SFTPC: variants seen among roughly 807,000 people sequenced by gnomAD.
The protein encoded by SFTPC is BRICHOS domain containing 6.
In SFTPC, 12 loss-of-function variants were observed where a neutral mutation model predicts 19.9. The observed-to-expected ratio is 0.60, with a 90% CI of 0.39 to 0.98. The LOEUF is 0.98. Ranked by LOEUF, SFTPC falls within the 50% of genes least tolerant of loss-of-function variation. The pLI, the probability that SFTPC is intolerant of heterozygous loss-of-function variation, is 0.00. For synonymous variants in SFTPC, 123 were observed against 103.3 expected (o/e 1.19, Z -1.16); for missense variants, 219 against 252.2 (o/e 0.87, Z 0.89).
intron 1 of SFTPC, 124 bp from the exon 2 acceptor site, chr8:22,162,450 G>A (rs1320827376): frequency 2.8e-6 from 3 of 1,073,886 alleles, no homozygotes; most frequent in Non-Finnish European, 2.9e-6. Flanking sequence ...GCCCTTCCCT[G>A]TCCATCCATC....
chr8:22,162,691 C>T lies in SFTPC; in HGVS notation c.160C>T (p.Leu54=), dbSNP rs1285055943. ...VLIVVVIVGA[L]LMGLHMSQKH... ...CATCGTCGTGGTGATTGTGGGAGCC[C>T]TGCTCATGGGTCTCCACATGAGCCA... The change falls in exon 2 of 6, where the codon CTG becomes TTG. Residue 54 remains leucine (L), a synonymous_variant. Transcript: ENST00000679463. 2 of 1,614,060 alleles carry T rather than the reference C, an allele frequency of 1.2e-6. No homozygotes were observed. Among genetic ancestry groups the T allele is most frequent in the Non-Finnish European group, 1.7e-6 (2 of 1,180,028 alleles).
chr8:22,164,415 G>A lies in SFTPC; in HGVS notation c.*168G>A, dbSNP rs1827952239. ...TGGGGAGAGGATGGGAGTGGGCAGA[G>A]GTGGCGCCCAGGGGCCCGGGAACTC... On this transcript the variant is annotated 3_prime_UTR_variant, in exon 6 of 6. Coordinates refer to ENST00000679463, the MANE Select transcript of SFTPC (RefSeq NM_001317778.2). The A allele has an allele frequency of 6.6e-7, 1 of 1,510,836 alleles. No individual in the cohort carries two copies. The highest frequency in any genetic ancestry group is 1.4e-5 in the African/African-American group (1 of 71,516). 93.6% of individuals were successfully genotyped at this position (1,510,836 alleles called of 1,614,324 possible).
upstream of SFTPC, chr8:22,159,802 C>T: frequency 7.8e-7 from 1 of 1,289,476 alleles, no homozygotes; most frequent in South Asian, 1.2e-5. Context: ...GAGATGCCTG[C>T]AGTGCTTGGC....
chr8:22,161,634 CT>C, upstream of SFTPC: 1 of 1,556,892 alleles, frequency 6.4e-7, no homozygotes, highest in Non-Finnish European at 8.7e-7. Context: ...GCCAAGGGCC[CT>C]TGGGGGCTCT....
Position 22,164,342 on chromosome 8 carries a change from G to A in SFTPC, c.*95G>A. On this transcript the variant is annotated 3_prime_UTR_variant, in exon 6 of 6. Transcript: ENST00000679463. ...TGCAGCTTTTGCAGACGGGCAAGAA[G>A]CTGCTTCTGCCCACACCGCAGGGAC... 1 of 1,536,146 alleles carries A rather than the reference G, an allele frequency of 6.5e-7. No homozygotes were observed. The highest frequency in any genetic ancestry group is 8.7e-7 in the Non-Finnish European group (1 of 1,146,898).
chr8:22,157,420 C>A (rs1009304009), upstream of SFTPC: 5 of 175,046 alleles, frequency 2.9e-5, no homozygotes, highest in African/African-American at 7.2e-5. Flanking sequence ...GAAACTGAGG[C>A]CCCCTAAGCT....
chr8:22,158,324 G>A (rs184424896), upstream of SFTPC, among the ~76,000 whole-genome samples: 3 of 152,358 alleles, frequency 2.0e-5, no homozygotes, highest in Admixed American at 1.3e-4. Flanking sequence ...GCCAGCTTGG[G>A]GGGAGGGAAG....
At chr8:22,158,318 G>A (rs1179443132), upstream of SFTPC, among the ~76,000 whole-genome samples, 1 of 152,210 alleles carries the variant, frequency 6.6e-6, no homozygotes, top group Non-Finnish European at 1.5e-5. Flanking sequence ...CCCCATGCCA[G>A]CTTGGGGGGA....
chr8:22,162,380 G>C (rs8192325), intron 1 of SFTPC, among the ~76,000 whole-genome samples, 194 bp from the exon 2 acceptor site: 1 of 152,000 alleles, frequency 6.6e-6, no homozygotes, highest in Non-Finnish European at 1.5e-5. Context: ...GCTTCTATGT[G>C]TCTATGGGTT....
At position 22,163,344 on chromosome 8, in the gene SFTPC, C is replaced by G. The variant is rs368604198; in HGVS notation, c.325-92C>G. On this transcript the variant is annotated intron_variant, in intron 3 of 5. Transcript: ENST00000679463. ...GAGCCCCAGATTCTAGTATGACTCC[C>G]GTGCCCAACCTAGAGGGAGGTGGCT... 2.9e-5 allele frequency: 43 copies of G among 1,496,118 alleles called. No individual in the cohort carries two copies. In the African/African-American group the frequency reaches 4.1e-4, roughly 14 times the overall value. The allele number at this position is 1,496,118 out of a possible 1,614,324, so 92.7% of individuals were successfully genotyped here. A position where few individuals can be genotyped will look rare whatever the true frequency, so the allele number is the denominator to read the frequency against.
In SFTPC at chr8:22,163,148, C is replaced by G; in HGVS notation, c.270C>G (p.Thr90=). 6.2e-7 allele frequency: 1 copy of G among 1,614,180 alleles called. No homozygotes were observed. Among genetic ancestry groups the G allele is most frequent in the Non-Finnish European group, 8.5e-7 (1 of 1,180,018 alleles). ...TGGCCCTGAGTGAGCACCTGGTTAC[C>G]ACTGCCACCTTCTCCATCGGCTCCA... is the stretch of plus-strand genomic sequence containing the variant. ...QRLALSEHLV[T]TATFSIGSTG... Residue 90 remains threonine, a synonymous_variant, in exon 3 of 6, where the codon ACC becomes ACG. Transcript: ENST00000679463.
At chr8:22,162,013 G>T in intron 1 of SFTPC, 143 bp downstream of exon 1, 1 of 894,034 alleles carries the variant, frequency 1.1e-6, no homozygotes. Context: ...TCAGGATGGG[G>T]ACACCAAGAC....
chr8:22,162,537 C>T lies in SFTPC; in HGVS notation c.43-37C>T, dbSNP rs760718844. The stretch of plus-strand genomic sequence containing the variant: ...GGGAGAAGAGGGGACAGCCTCATGA[C>T]CTCATGCCTGTCTCCTTGCCTGCCC... On this transcript the variant is annotated intron_variant, in intron 1 of 5. Transcript: ENST00000679463. 1.9e-5 allele frequency: 30 copies of T among 1,610,926 alleles called. No homozygotes were observed. The South Asian group carries it at 3.1e-4, about 17-fold the overall frequency.
At chr8:22,162,767 G>A (rs373454108) in intron 2 of SFTPC, 35 bp downstream of exon 2, 1 of 1,613,148 alleles carries the variant, frequency 6.2e-7, no homozygotes, top group East Asian at 2.2e-5. Flanking sequence ...GTGGGCACAG[G>A]ACATGCCAGA....
Position 22,164,358 on chromosome 8 carries a change from C to T in SFTPC, c.*111C>T. The T allele has an allele frequency of 1.3e-6, 2 of 1,535,720 alleles. No homozygotes were observed. The highest frequency in any genetic ancestry group is 1.7e-6 in the Non-Finnish European group (2 of 1,146,794). ...GGGCAAGAAGCTGCTTCTGCCCACA[C>T]CGCAGGGACAAGCCCTGGAGAAATG... On this transcript the variant is annotated 3_prime_UTR_variant, in exon 6 of 6. Transcript: ENST00000679463.
intron 5 of SFTPC, 23 bp from the exon 6 acceptor site, chr8:22,164,243 C>T (rs558003013): frequency 6.5e-7 from 1 of 1,536,144 alleles, no homozygotes; most frequent in African/African-American, 1.4e-5. Context: ...TCTGTCCATC[C>T]TCAACATTCC....
At chr8:22,158,981 C>G (rs1827608952), upstream of SFTPC, 1 of 152,258 alleles carries the variant, frequency 6.6e-6, no homozygotes, top group Non-Finnish European at 1.5e-5. Context: ...GCCCATGTAA[C>G]TCATGGGAAC....
chr8:22,164,222 C>G, intron 5 of SFTPC, 44 bp from the exon 6 acceptor site: 1 of 1,516,162 alleles, frequency 6.6e-7, no homozygotes. Context: ...CTTCCCACTC[C>G]CCTGATTCTC....
At chr8:22,164,109 T>G in intron 5 of SFTPC, 50 bp downstream of exon 5, 1 of 1,608,728 alleles carries the variant, frequency 6.2e-7, no homozygotes, top group Non-Finnish European at 8.5e-7. Context: ...TCGGGCCACC[T>G]GCCCGGGCTG....
Sources: allele counts gnomAD v4.1 joint callset (sites outside exome capture counted in the v4.1 genomes callset), GRCh38; gene constraint gnomAD v4.1.1; transcripts MANE v1.5; gene names NCBI Gene and HGNC (gene_info 2026-07-23, HGNC 2026-07-21).